Variants in TMOD1 observed in about 807,000 individuals in gnomAD.
The protein encoded by TMOD1 is tropomodulin-1.
TMOD1 carries 17 observed loss-of-function variants against 40.6 expected under a neutral mutation model. That is an observed-to-expected ratio of 0.42 (90% CI 0.29 to 0.63). TMOD1 has a LOEUF of 0.63. Ranked by LOEUF, TMOD1 falls within the 20% of genes least tolerant of loss-of-function variation. The pLI is 0.22. For synonymous variants in TMOD1, 181 were observed against 175.0 expected (o/e 1.03, Z -0.27); for missense variants, 391 against 447.6 (o/e 0.87, Z 1.14).
chr9:97,512,254 G>A (rs879354583), intron 1 of TMOD1, among the ~76,000 whole-genome samples: 1 of 152,232 alleles, frequency 6.6e-6, no homozygotes, highest in Non-Finnish European at 1.5e-5. Flanking sequence ...CTAACAGGAA[G>A]GTGCTGACAG....
At chr9:97,561,960 T>C (rs1431241405) in intron 4 of TMOD1, among the ~76,000 whole-genome samples, 1 of 152,232 alleles carries the variant, frequency 6.6e-6, no homozygotes, top group Non-Finnish European at 1.5e-5. Context: ...TACCCTGTGC[T>C]GGTTTTTCAT....
chr9:97,544,429 G>T (rs934968256), intron 2 of TMOD1, among the ~76,000 whole-genome samples: 8 of 151,834 alleles, frequency 5.3e-5, no homozygotes, highest in Admixed American at 5.2e-4. Flanking sequence ...CCAGCTACTC[G>T]GGAGGCTGAG....
In TMOD1 at chr9:97,599,679, A is replaced by T. The variant is rs1826209687; in HGVS notation, c.1061A>T (p.Lys354Met). Residue 354 changes from lysine to methionine, a missense_variant, in exon 10 of 10, where the codon AAG becomes ATG. Lys to Met is a moderately conservative substitution (Grantham distance 95). Coordinates refer to ENST00000259365, the MANE Select transcript of TMOD1 (RefSeq NM_003275.4). ...GACCTGACTGGGCCCATCATTCCCA[A>T]GTGCCGGAGTGGTGTCTAGTGTGTG... ...LADLTGPIIPKCRSGV is the reference protein window; with the variant it reads ...LADLTGPIIPMCRSGV The T allele has an allele frequency of 7.4e-6, 12 of 1,614,168 alleles. No homozygotes were observed. Among genetic ancestry groups the T allele is most frequent in the Non-Finnish European group, 1.0e-5 (12 of 1,180,036 alleles).
At chr9:97,592,000 A>C (rs1826011779) in intron 9 of TMOD1, among the ~76,000 whole-genome samples, 1 of 152,218 alleles carries the variant, frequency 6.6e-6, no homozygotes, top group African/African-American at 2.4e-5. Context: ...ATTATTATGA[A>C]GGAGACATTA....
At chr9:97,563,921 A>T in intron 5 of TMOD1, 117 bp from the exon 6 acceptor site, 77 of 1,087,402 alleles carry the variant, frequency 7.1e-5, no homozygotes, top group Non-Finnish European at 8.2e-5. Context: ...AGCCCCTGTG[A>T]TGTGCAGCCC....
chr9:97,572,042 A>T (rs1830827509), intron 8 of TMOD1, among the ~76,000 whole-genome samples: 2 of 152,204 alleles, frequency 1.3e-5, no homozygotes, highest in South Asian at 4.1e-4. Context: ...CAGCAGCCAG[A>T]CAGTGGGCTG....
At chr9:97,563,571 C>A (rs953216099) in intron 5 of TMOD1, among the ~76,000 whole-genome samples, 1 of 152,108 alleles carries the variant, frequency 6.6e-6, no homozygotes, top group African/African-American at 2.4e-5. Flanking sequence ...TTTCCTGTGC[C>A]AATATTGCAT....
intron 4 of TMOD1, 66 bp downstream of exon 4, chr9:97,553,466 T>C: frequency 6.3e-7 from 1 of 1,599,468 alleles, no homozygotes. Flanking sequence ...GCAGGGAGCC[T>C]TGTAGGGCTC....
chr9:97,534,181 G>A (rs771588564), intron 2 of TMOD1, among the ~76,000 whole-genome samples: 66 of 152,200 alleles, frequency 4.3e-4, no homozygotes, highest in Non-Finnish European at 8.2e-4. Context: ...GTGAAGTGTA[G>A]CCTTTAATCT....
At chr9:97,593,357 A>G (rs1826038652) in intron 9 of TMOD1, among the ~76,000 whole-genome samples, 1 of 152,196 alleles carries the variant, frequency 6.6e-6, no homozygotes, top group Non-Finnish European at 1.5e-5. Context: ...CCCATCACCA[A>G]GAACTTTCAG....
chr9:97,546,793 G>T (rs1020110529), intron 3 of TMOD1, among the ~76,000 whole-genome samples: 1 of 151,948 alleles, frequency 6.6e-6, no homozygotes, highest in African/African-American at 2.4e-5. Context: ...GCCGAGCATG[G>T]TGGCACGAGC....
intron 8 of TMOD1, among the ~76,000 whole-genome samples, chr9:97,590,701 TATG>T (rs1825983034): frequency 6.6e-6 from 1 of 152,040 alleles, no homozygotes; most frequent in African/African-American, 2.4e-5. Flanking sequence ...CCATTAATAA[TATG>T]ATCAGAATTG....
intron 3 of TMOD1, among the ~76,000 whole-genome samples, chr9:97,552,814 G>A (rs143425575): frequency 5.1e-4 from 77 of 152,164 alleles, no homozygotes; most frequent in African/African-American, 1.7e-3. Flanking sequence ...CCCTTATTCC[G>A]TTATGAATCT....
chr9:97,538,098 A>T (rs1243817367), intron 2 of TMOD1, among the ~76,000 whole-genome samples: 1 of 152,202 alleles, frequency 6.6e-6, no homozygotes, highest in Non-Finnish European at 1.5e-5. Context: ...GGAGCTGGGT[A>T]GTGTGGAGGC....
In TMOD1 at chr9:97,530,849, G is replaced by A. The variant is rs575139699; in HGVS notation, c.120+6541G>A. On this transcript the variant is annotated intron_variant, in intron 2 of 9. Transcript: ENST00000259365. ...GTTGCCCAGATTGGAGTGCAACGGCGTGATCTCGGCTCATTGTGACTTCCG... is the reference window on the plus strand; with the variant it reads ...GTTGCCCAGATTGGAGTGCAACGGCATGATCTCGGCTCATTGTGACTTCCG... 2.1e-3 allele frequency among the ~76,000 whole-genome samples: 287 copies of A among 139,848 alleles called. 1 individual carries two copies. The highest frequency in any genetic ancestry group is 7.4e-3 in the African/African-American group (274 of 36,780). 91.7% of individuals were successfully genotyped at this position (139,848 alleles called of 152,430 possible).
intron 8 of TMOD1, among the ~76,000 whole-genome samples, chr9:97,586,095 T>C (rs954443219): frequency 4.0e-4 from 61 of 151,486 alleles, no homozygotes; most frequent in Admixed American, 9.2e-4. Context: ...TTTTTAGAGT[T>C]TCCAGTTTTT....
At chr9:97,570,148 A>C (rs1322870782) in intron 8 of TMOD1, among the ~76,000 whole-genome samples, 1 of 152,234 alleles carries the variant, frequency 6.6e-6, no homozygotes, top group Non-Finnish European at 1.5e-5. Flanking sequence ...AGCTTAAGGA[A>C]TCATAACAGG....
intron 2 of TMOD1, among the ~76,000 whole-genome samples, chr9:97,525,651 A>G (rs573339529): frequency 1.8e-4 from 28 of 152,364 alleles, no homozygotes; most frequent in African/African-American, 6.7e-4. Flanking sequence ...TAATACTAAA[A>G]AACGCCCTAA....
intron 8 of TMOD1, among the ~76,000 whole-genome samples, chr9:97,586,662 G>C (rs570592478): frequency 1.3e-5 from 2 of 152,284 alleles, no homozygotes; most frequent in South Asian, 4.1e-4. Flanking sequence ...GCGAGACTCT[G>C]TGGGCGTAGG....
Sources: allele counts gnomAD v4.1 joint callset (sites outside exome capture counted in the v4.1 genomes callset), GRCh38; gene constraint gnomAD v4.1.1; transcripts MANE v1.5; gene names NCBI Gene and HGNC (gene_info 2026-07-23, HGNC 2026-07-21).